DDX19B: variants seen among roughly 807,000 people sequenced by gnomAD.
DDX19B encodes the protein DEAD-box helicase 19B, also known as ATP-dependent RNA helicase DDX19B.
Under a neutral mutation model 58.1 loss-of-function variants are expected in DDX19B, and 27 were observed. That is an observed-to-expected ratio of 0.46 (90% CI 0.34 to 0.64). The LOEUF (loss-of-function observed/expected upper bound fraction) is 0.64. DDX19B is among the 30% of genes least tolerant of loss of function. The pLI, the probability that DDX19B is intolerant of heterozygous loss-of-function variation, is 0.01. For missense variants in DDX19B, 399 were observed against 596.5 expected (o/e 0.67, Z 3.45); for synonymous variants, 187 against 214.4 (o/e 0.87, Z 1.12).
At chr16:70,304,369 T>C (rs2152186853) in intron 1 of DDX19B, among the ~76,000 whole-genome samples, 1 of 149,384 alleles carries the variant, frequency 6.7e-6, no homozygotes, top group South Asian at 2.1e-4. Context: ...TTCACAGAGA[T>C]GTCTTTTTTT....
intron 7 of DDX19B, among the ~76,000 whole-genome samples, chr16:70,328,896 A>G (rs1347765509): frequency 6.6e-6 from 1 of 151,986 alleles, no homozygotes; most frequent in East Asian, 1.9e-4. Context: ...AGAATTTCTC[A>G]GAGAGAAGAG....
chr16:70,331,466 A>C (rs1397746493), intron 9 of DDX19B, among the ~76,000 whole-genome samples: 1 of 152,236 alleles, frequency 6.6e-6, no homozygotes, highest in African/African-American at 2.4e-5. Context: ...CTAAAATTCT[A>C]TTTGAAAGAA....
At chr16:70,315,019 T>G (rs1015387912) in intron 3 of DDX19B, 64 bp downstream of exon 3, 1 of 1,555,146 alleles carries the variant, frequency 6.4e-7, no homozygotes, top group Non-Finnish European at 8.8e-7. Flanking sequence ...TGGATTGTTA[T>G]GAGGCTTCAT....
upstream of DDX19B, among the ~76,000 whole-genome samples, chr16:70,290,476 G>A (rs1352758394): frequency 1.3e-5 from 2 of 152,002 alleles, no homozygotes; most frequent in Non-Finnish European, 2.9e-5. Context: ...GCGGTGAGCC[G>A]AGATGGCGCC....
At chr16:70,326,446 G>A (rs1012504585) in intron 7 of DDX19B, among the ~76,000 whole-genome samples, 3 of 152,184 alleles carry the variant, frequency 2.0e-5, no homozygotes, top group Admixed American at 1.3e-4. Flanking sequence ...CACTGCACTC[G>A]AGCCTGGGCG....
chr16:70,313,192 G>A (rs974041640), intron 2 of DDX19B, among the ~76,000 whole-genome samples: 1 of 151,944 alleles, frequency 6.6e-6, no homozygotes, highest in South Asian at 2.1e-4. Flanking sequence ...CTAATGTTTT[G>A]TATTTTTAGT....
At chr16:70,313,200 A>G (rs1962178539) in intron 2 of DDX19B, among the ~76,000 whole-genome samples, 1 of 151,962 alleles carries the variant, frequency 6.6e-6, no homozygotes, top group African/African-American at 2.4e-5. Context: ...TTGTATTTTT[A>G]GTAGAGATGG....
At chr16:70,327,149 T>C (rs1963202588) in intron 7 of DDX19B, among the ~76,000 whole-genome samples, 1 of 151,944 alleles carries the variant, frequency 6.6e-6, no homozygotes, top group African/African-American at 2.4e-5. Context: ...CTTTTTTTTA[T>C]TTTGAGACAG....
chr16:70,323,185 C>T (rs1962944762), intron 5 of DDX19B, among the ~76,000 whole-genome samples: 1 of 151,970 alleles, frequency 6.6e-6, no homozygotes, highest in South Asian at 2.1e-4. Flanking sequence ...CTGCAACCTC[C>T]ACCCTCCACC....
intron 5 of DDX19B, among the ~76,000 whole-genome samples, chr16:70,322,737 C>T (rs753731158): frequency 5.3e-5 from 8 of 151,534 alleles, no homozygotes; most frequent in Non-Finnish European, 8.8e-5. Flanking sequence ...ACTAAAAATA[C>T]AAAAATTAGC....
At chr16:70,309,283 CAG>C (rs1475234745) in intron 1 of DDX19B, among the ~76,000 whole-genome samples, 21 of 151,332 alleles carry the variant, frequency 1.4e-4, no homozygotes, top group Middle Eastern at 7.0e-3. Context: ...ATCACGAGGT[CAG>C]GAGATCGAGA....
upstream of DDX19B, chr16:70,294,828 C>T (rs1467130220): frequency 4.7e-6 from 7 of 1,484,292 alleles, no homozygotes; most frequent in South Asian, 6.5e-5. Flanking sequence ...TGGAGTGTAA[C>T]TGCCATGCTC....
At chr16:70,315,590 G>C (rs926060398) in intron 3 of DDX19B, 1 of 161,664 alleles carries the variant, frequency 6.2e-6, no homozygotes, top group Admixed American at 6.2e-5. Context: ...AGACCAACTT[G>C]TCCAATATTA....
rs1293665929 is a variant in DDX19B, at chr16:70,329,470, G to A, written c.785+1G>A. The A allele has an allele frequency of 1.2e-6, 2 of 1,613,826 alleles. No individual in the cohort carries two copies. Among genetic ancestry groups the A allele is most frequent in the South Asian group, 2.2e-5 (2 of 91,074 alleles). On this transcript the variant is annotated splice_donor_variant, in intron 8 of 11. Coordinates refer to ENST00000288071, the MANE Select transcript of DDX19B (RefSeq NM_007242.7). LOFTEE classifies it high-confidence loss of function. ...AAGATCAGAGCATCCGCATCCAGAG[G>A]TAGGGATCTCGAGGGTGGGGGACTC...
At chr16:70,325,091 A>C (rs1287888361) in intron 6 of DDX19B, among the ~76,000 whole-genome samples, 1 of 152,206 alleles carries the variant, frequency 6.6e-6, no homozygotes, top group Non-Finnish European at 1.5e-5. Context: ...ATTACTTTTT[A>C]CACAAACTGA....
At position 70,329,316 on chromosome 16, in the gene DDX19B, A is replaced by G; in HGVS notation, c.632A>G (p.Glu211Gly). The G allele has an allele frequency of 1.2e-6, 2 of 1,613,834 alleles. No homozygotes were observed. Among genetic ancestry groups the G allele is most frequent in the Non-Finnish European group, 1.7e-6 (2 of 1,179,950 alleles). Reference protein sequence around the residue: ...NKLERGQKISEQIVIGTPGTV... With the variant: ...NKLERGQKISGQIVIGTPGTV... Reference sequence around the variant, plus strand: ...GTGGAAAGAGGCCAGAAGATCAGTGAGCAGATTGTCATTGGCACCCCTGGG... The same window carrying G: ...GTGGAAAGAGGCCAGAAGATCAGTGGGCAGATTGTCATTGGCACCCCTGGG... Residue 211 changes from glutamate to glycine, a missense_variant, in exon 8 of 12, where the codon GAG becomes GGG. Glu to Gly is a moderately conservative substitution (Grantham distance 98). Transcript: ENST00000288071.
At chr16:70,306,673 T>C (rs1961770073) in intron 1 of DDX19B, among the ~76,000 whole-genome samples, 1 of 152,234 alleles carries the variant, frequency 6.6e-6, no homozygotes, top group Admixed American at 6.5e-5. Flanking sequence ...CTAGCCATTT[T>C]ATTAACCTTA....
chr16:70,301,684 T>TTCTC (rs202010837), intron 1 of DDX19B, among the ~76,000 whole-genome samples: 11 of 150,704 alleles, frequency 7.3e-5, no homozygotes, highest in Non-Finnish European at 1.3e-4. Context: ...CTCTCTTTCT[T>TTCTC]TCTCTCTCTC....
Position 70,333,643 on chromosome 16 carries a change from T to C in DDX19B, c.*61T>C. Reference sequence around the variant, plus strand: ...TGCCCCTGCACAGGAGACAAGTGCGTTCAGGGCACAGGCCCCGACATCACC... The same window carrying C: ...TGCCCCTGCACAGGAGACAAGTGCGCTCAGGGCACAGGCCCCGACATCACC... On this transcript the variant is annotated 3_prime_UTR_variant, in exon 12 of 12. Transcript: ENST00000288071. The C allele has an allele frequency of 6.2e-7, 1 of 1,613,196 alleles. No individual in the cohort carries two copies. The highest frequency in any genetic ancestry group is 8.5e-7 in the Non-Finnish European group (1 of 1,179,140).
Sources: gnomAD v4.1 joint callset for allele counts (sites outside exome capture counted in the v4.1 genomes callset) on GRCh38, gnomAD v4.1.1 for gene constraint, MANE v1.5 for transcripts, NCBI Gene and HGNC (gene_info 2026-07-23, HGNC 2026-07-21) for gene names.